The following MYPN variants were observed in gnomAD, a reference collection of about 807,000 sequenced individuals.
The protein encoded by MYPN is sarcomeric protein myopalladin, 145 kDa (MYOP).
MYPN carries 63 observed loss-of-function variants against 129.4 expected under a neutral mutation model. The ratio of observed to expected loss-of-function variants is 0.49; its 90% CI spans 0.40 to 0.60. The LOEUF (loss-of-function observed/expected upper bound fraction) is 0.60. Ranked by LOEUF, MYPN falls within the 20% of genes least tolerant of loss-of-function variation. The pLI is 0.00. For missense variants in MYPN, 1,596 were observed against 1,635.4 expected, an observed-to-expected ratio of 0.98 and a Z score of 0.42; for synonymous variants, 629 against 600.9, an observed-to-expected ratio of 1.05 and a Z score of -0.68.
rs765156367 is a variant in MYPN, at chr10:68,161,763, T to C, written c.1483+11T>C. 26 of 1,599,536 alleles carry C rather than the reference T, an allele frequency of 1.6e-5. No individual in the cohort carries two copies. In the African/African-American group the frequency reaches 3.5e-4, roughly 21 times the overall value. Reference sequence around the variant, plus strand: ...CCATGGCAGAGCCAGGTAAAGATGATTTCAACTTTAATTTATTAGTATATG... The same window carrying C: ...CCATGGCAGAGCCAGGTAAAGATGACTTCAACTTTAATTTATTAGTATATG... On this transcript the variant is annotated intron_variant, in intron 8 of 19. Transcript: ENST00000358913.
rs889119444 is a variant in MYPN, at chr10:68,151,505, G to A, written c.1317+1394G>A. 7.9e-5 allele frequency among the ~76,000 whole-genome samples: 12 copies of A among 152,150 alleles called. 1 individual carries two copies. The highest frequency in any genetic ancestry group is 7.9e-4 in the Admixed American group (12 of 15,274). The stretch of plus-strand genomic sequence containing the variant: ...GAGTTATAGGTGGACCTTTATGCGG[G>A]GGGGTGTATGTGTGTTTGTAACACA... On this transcript the variant is annotated intron_variant, in intron 6 of 19. Transcript: ENST00000358913.
intron 18 of MYPN, among the ~76,000 whole-genome samples, chr10:68,203,098 A>T (rs1439147149): frequency 6.6e-6 from 1 of 152,156 alleles, no homozygotes; most frequent in African/African-American, 2.4e-5. Flanking sequence ...GGACCGGGTG[A>T]TTGCTCAGTC....
In MYPN at chr10:68,188,968, A is replaced by ACTC; in HGVS notation, c.2770_2772dup (p.Pro924dup). 1 of 1,614,094 alleles carries ACTC rather than the reference A, an allele frequency of 6.2e-7. No homozygotes were observed. The highest frequency in any genetic ancestry group is 8.5e-7 in the Non-Finnish European group (1 of 1,180,012). On this transcript the variant is annotated inframe_insertion, in exon 13 of 20. Transcript: ENST00000358913. ...TGAAATAGAGTTTCGCTTGGAACGT[A>ACTC]CTCCTGTTGATGAATCAGATGATGA...
chr10:68,198,221 G>C (rs2043643856), intron 16 of MYPN, among the ~76,000 whole-genome samples: 2 of 152,208 alleles, frequency 1.3e-5, no homozygotes, highest in African/African-American at 2.4e-5. Flanking sequence ...GCCATATGGT[G>C]TGATTTTCAC....
intron 1 of MYPN, among the ~76,000 whole-genome samples, chr10:68,110,274 C>CTCT (rs1564641064): frequency 1.3e-4 from 19 of 151,594 alleles, no homozygotes; most frequent in African/African-American, 4.6e-4. Flanking sequence ...TCTCTCTCTC[C>CTCT]GTCTCTTTCT....
intron 1 of MYPN, among the ~76,000 whole-genome samples, chr10:68,089,120 C>T (rs1219069949): frequency 6.6e-6 from 1 of 152,106 alleles, no homozygotes; most frequent in African/African-American, 2.4e-5. Flanking sequence ...CAACCTCTGC[C>T]TCCTGGGTTT....
intron 1 of MYPN, chr10:68,114,154 A>G (rs1358045606): frequency 2.0e-5 from 3 of 152,172 alleles, no homozygotes; most frequent in African/African-American, 7.2e-5. Flanking sequence ...GTTTTTGCCA[A>G]TTCTCTGGTC....
At chr10:68,180,008 C>T (rs1234496039) in intron 12 of MYPN, among the ~76,000 whole-genome samples, 1 of 152,158 alleles carries the variant, frequency 6.6e-6, no homozygotes, top group African/African-American at 2.4e-5. Flanking sequence ...TTTAGGTAAG[C>T]TCCTTGAAGG....
In MYPN at chr10:68,121,829, A is replaced by T; in HGVS notation, c.391A>T (p.Ser131Cys). 1 of 1,614,192 alleles carries T rather than the reference A, an allele frequency of 6.2e-7. No individual in the cohort carries two copies. The highest frequency in any genetic ancestry group is 2.2e-5 in the East Asian group (1 of 44,882). The change falls in exon 2 of 20, where the codon AGC becomes TGC. Residue 131 changes from serine (S) to cysteine (C), a missense_variant. By Grantham distance (112) the Ser-to-Cys change is moderately radical. Coordinates refer to ENST00000358913, the MANE Select transcript of MYPN (RefSeq NM_032578.4). ...TCGAAGTCCCACCAGCTCTAAAGAA[A>T]GCCCCCAGGAGGCAAAAAGGCCACA... ...NPRSPTSSKE[S>C]PQEAKRPQYC...
At chr10:68,124,422 C>G (rs1175140186) in intron 2 of MYPN, among the ~76,000 whole-genome samples, 1 of 152,086 alleles carries the variant, frequency 6.6e-6, no homozygotes, top group Non-Finnish European at 1.5e-5. Flanking sequence ...TGGGCATCAT[C>G]TTTTTATTCC....
At chr10:68,121,298 A>G (rs1589527858) in intron 1 of MYPN, 140 bp from the exon 2 acceptor site, 13 of 769,186 alleles carry the variant, frequency 1.7e-5, no homozygotes, top group Non-Finnish European at 2.4e-5. Context: ...AAATTAATTA[A>G]AAGTTTGTAA....
At chr10:68,088,650 G>T (rs2041917473) in intron 1 of MYPN, among the ~76,000 whole-genome samples, 1 of 152,064 alleles carries the variant, frequency 6.6e-6, no homozygotes, top group African/African-American at 2.4e-5. Context: ...CTCATTAATG[G>T]TAAAAACCTT....
intron 18 of MYPN, among the ~76,000 whole-genome samples, chr10:68,204,461 C>CCCGGCA (rs1479742295): frequency 6.3e-4 from 96 of 152,202 alleles, no homozygotes; most frequent in African/African-American, 2.3e-3. Context: ...GTGGCTTACG[C>CCCGGCA]CTGTAATCCC....
At chr10:68,138,337 A>G (rs911935016) in intron 2 of MYPN, among the ~76,000 whole-genome samples, 2 of 151,426 alleles carry the variant, frequency 1.3e-5, no homozygotes, top group African/African-American at 4.9e-5. Context: ...CCTGACTTCA[A>G]GTGATCCACC....
intron 1 of MYPN, among the ~76,000 whole-genome samples, chr10:68,093,091 C>G (rs1261603393): frequency 1.3e-5 from 2 of 152,054 alleles, no homozygotes; most frequent in African/African-American, 4.8e-5. Flanking sequence ...CCAGGCTGGT[C>G]TCCCATGAAC....
chr10:68,101,875 GT>G, upstream of MYPN, among the ~76,000 whole-genome samples: 1 of 151,774 alleles, frequency 6.6e-6, no homozygotes. Context: ...TTTTATACTT[GT>G]TATCCTTATC....
In MYPN at chr10:68,136,941, T is replaced by A. The variant is rs567700030; in HGVS notation, c.903-5999T>A. ...ATTTACCTCTAGCTTCTAAATAACA[T>A]GCCAGTGGTTCAAACTTTTTATTCT... is the stretch of plus-strand genomic sequence containing the variant. On this transcript the variant is annotated intron_variant, in intron 2 of 19. Coordinates refer to ENST00000358913, the MANE Select transcript of MYPN (RefSeq NM_032578.4). 2.8e-3 allele frequency among the ~76,000 whole-genome samples: 434 copies of A among 152,314 alleles called. 2 individuals carry two copies. The highest frequency in any genetic ancestry group is 0.01 in the African/African-American group (420 of 41,584).
At chr10:68,165,270 G>A (rs1456411142) in intron 8 of MYPN, among the ~76,000 whole-genome samples, 1 of 152,128 alleles carries the variant, frequency 6.6e-6, no homozygotes, top group Non-Finnish European at 1.5e-5. Flanking sequence ...CTGCCAACAT[G>A]GCAAAACCCT....
At chr10:68,129,496 A>G (rs2042377006) in intron 2 of MYPN, among the ~76,000 whole-genome samples, 1 of 152,128 alleles carries the variant, frequency 6.6e-6, no homozygotes, top group African/African-American at 2.4e-5. Flanking sequence ...ATTGATGTAC[A>G]TTTGGGTTGT....
Sources: gnomAD v4.1 joint callset for allele counts (sites outside exome capture counted in the v4.1 genomes callset) on GRCh38, gnomAD v4.1.1 for gene constraint, MANE v1.5 for transcripts, NCBI Gene and HGNC (gene_info 2026-07-23, HGNC 2026-07-21) for gene names.